Variants in PRUNE2 observed in about 807,000 individuals in gnomAD.
PRUNE2 encodes the protein protein prune homolog 2.
In PRUNE2, 164 loss-of-function variants were observed where a neutral mutation model predicts 252.0. That is an observed-to-expected ratio of 0.65 (90% CI 0.57 to 0.74). PRUNE2 has a LOEUF of 0.74. Among genes scored for constraint, PRUNE2 ranks in the 30% least tolerant of loss-of-function variants. PRUNE2 has a pLI of 0.00. For missense variants in PRUNE2, 3,495 were observed against 3,711.0 expected, an observed-to-expected ratio of 0.94 and a Z score of 1.51; for synonymous variants, 1,292 against 1,350.2, an observed-to-expected ratio of 0.96 and a Z score of 0.94.
At chr9:76,682,736 ATAATT>A (rs1441816873) in intron 9 of PRUNE2, among the ~76,000 whole-genome samples, 3 of 152,194 alleles carry the variant, frequency 2.0e-5, no homozygotes, top group African/African-American at 7.2e-5. Context: ...AGTACATGTG[ATAATT>A]TAATACATTA....
chr9:76,838,089 T>C (rs2132276233), intron 4 of PRUNE2, among the ~76,000 whole-genome samples: 1 of 152,156 alleles, frequency 6.6e-6, no homozygotes, highest in East Asian at 1.9e-4. Flanking sequence ...CTATTTTTAT[T>C]CCTCCAAATT....
intron 16 of PRUNE2, chr9:76,627,951 C>A: frequency 4.3e-6 from 1 of 233,418 alleles, no homozygotes; most frequent in Non-Finnish European, 9.1e-6. Context: ...AGTTTCTAGG[C>A]TGGGCCTTTT....
At chr9:76,704,279 C>A (rs566584) in intron 8 of PRUNE2, among the ~76,000 whole-genome samples, 180 bp from the exon 9 acceptor site, 116,947 of 151,986 alleles carry the variant, frequency 0.77, 45,342 homozygotes, top group East Asian at 0.94. Flanking sequence ...GGATAGAGTG[C>A]AATGGTGTGA....
intron 6 of PRUNE2, among the ~76,000 whole-genome samples, chr9:76,809,595 C>T (rs1383967775): frequency 6.6e-6 from 1 of 152,136 alleles, no homozygotes; most frequent in African/African-American, 2.4e-5. Flanking sequence ...ACTCTGGAGG[C>T]TAAGGCAGGA....
intron 6 of PRUNE2, among the ~76,000 whole-genome samples, chr9:76,772,481 G>C (rs2053220541): frequency 1.3e-5 from 2 of 152,082 alleles, no homozygotes; most frequent in Admixed American, 1.3e-4. Flanking sequence ...ACTCTTAAAG[G>C]AAACCAAAAA....
chr9:76,652,785 A>G, intron 10 of PRUNE2, 102 bp from the exon 11 acceptor site: 1 of 784,874 alleles, frequency 1.3e-6, no homozygotes. Context: ...AAACTTTTTG[A>G]GTGCCAACAT....
intron 9 of PRUNE2, among the ~76,000 whole-genome samples, chr9:76,700,758 G>C (rs191296537): frequency 6.6e-6 from 1 of 152,304 alleles, no homozygotes; most frequent in East Asian, 1.9e-4. Context: ...GTCTGACAGA[G>C]AATAAGCCAT....
At chr9:76,859,152 T>C (rs1201546950) in intron 1 of PRUNE2, among the ~76,000 whole-genome samples, 1 of 152,222 alleles carries the variant, frequency 6.6e-6, no homozygotes, top group African/African-American at 2.4e-5. Flanking sequence ...GTCATCTAGA[T>C]ACACTTCCAA....
chr9:76,629,090 C>G (rs980811731), intron 16 of PRUNE2, 102 bp downstream of exon 16: 1 of 645,518 alleles, frequency 1.5e-6, no homozygotes, highest in Non-Finnish European at 2.6e-6. Context: ...CTGATTCTTC[C>G]ACTCAGCCTC....
intron 6 of PRUNE2, among the ~76,000 whole-genome samples, chr9:76,816,969 T>C (rs145714354): frequency 9.2e-4 from 140 of 152,356 alleles, no homozygotes; most frequent in African/African-American, 3.3e-3. Context: ...CCAAATCTTC[T>C]CTGTATCAGG....
At position 76,709,084 on chromosome 9, in the gene PRUNE2, T is replaced by C. The variant is rs1564112913; in HGVS notation, c.3190A>G (p.Asn1064Asp). The C allele has an allele frequency of 1.9e-6, 3 of 1,614,020 alleles. No individual in the cohort carries two copies. The highest frequency in any genetic ancestry group is 3.3e-4 in the Middle Eastern group (2 of 6,062). Reference protein sequence around the residue: ...ELKTEHTDGKNISMEDDVGES... With the variant: ...ELKTEHTDGKDISMEDDVGES... Reference sequence around the variant, plus strand: ...CCGACGTCATCCTCCATGGAGATATTCTTACCATCTGTGTGCTCTGTCTTG... The same window carrying C: ...CCGACGTCATCCTCCATGGAGATATCCTTACCATCTGTGTGCTCTGTCTTG... Residue 1064 changes from asparagine (N) to aspartate (D), a missense_variant, in exon 8 of 19, where the codon AAT (asparagine) becomes GAT (aspartate). Coordinates refer to ENST00000376718, the MANE Select transcript of PRUNE2 (RefSeq NM_015225.3).
intron 9 of PRUNE2, among the ~76,000 whole-genome samples, chr9:76,661,932 A>G (rs1256970516): frequency 6.6e-6 from 1 of 152,150 alleles, no homozygotes. Context: ...TAAAATACCA[A>G]AAGTCAACAT....
chr9:76,706,537 T>C lies in PRUNE2; in HGVS notation c.5737A>G (p.Arg1913Gly). 6.2e-7 allele frequency: 1 copy of C among 1,613,990 alleles called. No homozygotes were observed. The highest frequency in any genetic ancestry group is 8.5e-7 in the Non-Finnish European group (1 of 1,179,886). ...SHEQLWNIQPRQPDPDADKFS... is the reference protein window; with the variant it reads ...SHEQLWNIQPGQPDPDADKFS... ...TTGTCAGCATCTGGGTCTGGCTGCCTTGGTTGAATGTTCCAGAGTTGCTCA... is the reference window on the plus strand; with the variant it reads ...TTGTCAGCATCTGGGTCTGGCTGCCCTGGTTGAATGTTCCAGAGTTGCTCA... Residue 1913 changes from arginine (R) to glycine (G), a missense_variant, in exon 8 of 19, where the codon AGG becomes GGG. By Grantham distance (125) the Arg-to-Gly change is moderately radical (BLOSUM62 -2). Transcript: ENST00000376718.
intron 6 of PRUNE2, among the ~76,000 whole-genome samples, chr9:76,795,401 CT>C (rs1050437266): frequency 2.6e-5 from 4 of 152,164 alleles, no homozygotes; most frequent in African/African-American, 9.7e-5. Context: ...TGAGAGGGGT[CT>C]TATTTCTGAT....
intron 4 of PRUNE2, among the ~76,000 whole-genome samples, chr9:76,831,459 G>T (rs2058673390): frequency 6.6e-6 from 1 of 151,964 alleles, no homozygotes; most frequent in African/African-American, 2.4e-5. Flanking sequence ...ATATTTTAAA[G>T]AGTTTAGAAT....
At chr9:76,836,703 T>C (rs2058999785) in intron 4 of PRUNE2, among the ~76,000 whole-genome samples, 1 of 152,188 alleles carries the variant, frequency 6.6e-6, no homozygotes, top group Non-Finnish European at 1.5e-5. Flanking sequence ...GTAAGAAGTA[T>C]TAATTTTGAA....
At chr9:76,802,328 T>A (rs1212208068) in intron 6 of PRUNE2, among the ~76,000 whole-genome samples, 3 of 152,184 alleles carry the variant, frequency 2.0e-5, no homozygotes, top group Admixed American at 2.0e-4. Context: ...AAGTCCAGAC[T>A]ATGCAGCCAT....
At chr9:76,624,897 G>C in intron 16 of PRUNE2, 2 of 528,152 alleles carry the variant, frequency 3.8e-6, no homozygotes, top group Non-Finnish European at 6.6e-6. Flanking sequence ...GACAAAGACT[G>C]AAAATGGCAT....
chr9:76,640,192 G>T (rs1412707775), intron 12 of PRUNE2, among the ~76,000 whole-genome samples: 1 of 152,184 alleles, frequency 6.6e-6, no homozygotes, highest in East Asian at 1.9e-4. Context: ...AGAACCCAAC[G>T]TGTTAGTTTT....
Sources: allele counts gnomAD v4.1 joint callset (sites outside exome capture counted in the v4.1 genomes callset), GRCh38; gene constraint gnomAD v4.1.1; transcripts MANE v1.5; gene names NCBI Gene and HGNC (gene_info 2026-07-23, HGNC 2026-07-21).